Variants in FRAS1 observed in about 807,000 individuals in gnomAD.
FRAS1 encodes the protein extracellular matrix organizing protein FRAS1.
In FRAS1, 290 loss-of-function variants were observed where a neutral mutation model predicts 435.2. The ratio of observed to expected loss-of-function variants is 0.67; its 90% confidence interval spans 0.61 to 0.73. The LOEUF is 0.73. FRAS1 is among the 30% of genes least tolerant of loss of function. The pLI is 0.00. For missense variants in FRAS1, 4,860 were observed against 5,001.5 expected (o/e 0.97, Z 0.85); for synonymous variants, 1,800 against 1,851.0 (o/e 0.97, Z 0.71).
intron 18 of FRAS1, among the ~76,000 whole-genome samples, chr4:78,326,375 C>G (rs72866333): frequency 0.069 from 10,427 of 152,096 alleles, 585 homozygotes; most frequent in East Asian, 0.27. Flanking sequence ...AAGGTTTCAG[C>G]ATGAGTAACT....
At chr4:78,411,959 T>A (rs1410152365) in intron 31 of FRAS1, among the ~76,000 whole-genome samples, 1 of 152,154 alleles carries the variant, frequency 6.6e-6, no homozygotes, top group Non-Finnish European at 1.5e-5. Flanking sequence ...AAAAAGGGGA[T>A]AATAATATCT....
chr4:78,510,170 C>T (rs1720987222), intron 63 of FRAS1, among the ~76,000 whole-genome samples: 2 of 152,158 alleles, frequency 1.3e-5, no homozygotes, highest in South Asian at 4.1e-4. Flanking sequence ...GTATCTATTT[C>T]TGTCTTCAAC....
intron 14 of FRAS1, among the ~76,000 whole-genome samples, chr4:78,297,002 T>C (rs943462864): frequency 6.6e-6 from 1 of 152,186 alleles, no homozygotes; most frequent in Non-Finnish European, 1.5e-5. Context: ...GAAAAAATTT[T>C]TCATTCAACA....
Position 78,216,636 on chromosome 4 carries a change from G to A in FRAS1, c.109-20874G>A, listed in dbSNP as rs117987706. On this transcript the variant is annotated intron_variant, in intron 2 of 73. Transcript: ENST00000512123. ...GGCCCTGGCAGTTCAGCAGTAAACC[G>A]TTCTTACTTTTAGGGCCTTATCTTC... is the stretch of plus-strand genomic sequence containing the variant. Among the ~76,000 whole-genome samples the A allele has an allele frequency of 1.8e-4, 27 of 152,264 alleles. No individual in the cohort carries two copies. In the East Asian group the frequency reaches 4.8e-3, roughly 27 times the overall value.
chr4:78,080,631 A>G (rs570204017), intron 2 of FRAS1, among the ~76,000 whole-genome samples: 1 of 152,126 alleles, frequency 6.6e-6, no homozygotes, highest in Non-Finnish European at 1.5e-5. Context: ...TGCTTTTGTC[A>G]TAATTACATA....
At chr4:78,343,084 A>T (rs1320011376) in intron 20 of FRAS1, among the ~76,000 whole-genome samples, 1 of 152,208 alleles carries the variant, frequency 6.6e-6, no homozygotes, top group Non-Finnish European at 1.5e-5. Flanking sequence ...AAACAAAAAC[A>T]AAAAAACCTC....
intron 62 of FRAS1, among the ~76,000 whole-genome samples, 154 bp downstream of exon 62, chr4:78,507,762 T>A (rs547346036): frequency 6.6e-6 from 1 of 152,316 alleles, no homozygotes; most frequent in East Asian, 1.9e-4. Flanking sequence ...AGAGGACATT[T>A]AAGCAATGTC....
chr4:78,084,936 T>C (rs1741074895), intron 2 of FRAS1, among the ~76,000 whole-genome samples: 1 of 152,130 alleles, frequency 6.6e-6, no homozygotes, highest in Non-Finnish European at 1.5e-5. Context: ...TTTTTATTTA[T>C]AGTGCCTTTT....
intron 2 of FRAS1, among the ~76,000 whole-genome samples, chr4:78,211,189 A>G (rs1723487202): frequency 6.6e-6 from 1 of 152,210 alleles, no homozygotes. Flanking sequence ...CAGGGAAAGG[A>G]CATGAAGGAA....
intron 73 of FRAS1, 115 bp downstream of exon 73, chr4:78,539,555 C>G (rs533960668): frequency 9.8e-7 from 1 of 1,021,652 alleles, no homozygotes; most frequent in African/African-American, 1.7e-5. Flanking sequence ...TTCTGCCATT[C>G]TTGCTGGCAG....
chr4:78,084,473 C>A (rs1333340717), intron 2 of FRAS1, among the ~76,000 whole-genome samples: 1 of 152,058 alleles, frequency 6.6e-6, no homozygotes, highest in African/African-American at 2.4e-5. Context: ...AATATATCCC[C>A]TATGGGTAAG....
intron 19 of FRAS1, among the ~76,000 whole-genome samples, chr4:78,333,707 T>C (rs1373261538): frequency 6.6e-6 from 1 of 152,196 alleles, no homozygotes; most frequent in Non-Finnish European, 1.5e-5. Flanking sequence ...TCTGAATAAA[T>C]AAATCCTGTC....
At chr4:78,088,653 A>C (rs1224778978) in intron 2 of FRAS1, among the ~76,000 whole-genome samples, 1 of 152,222 alleles carries the variant, frequency 6.6e-6, no homozygotes, top group Non-Finnish European at 1.5e-5. Flanking sequence ...GAAGACATTT[A>C]TGCAGCCAAA....
At chr4:78,191,105 C>T (rs1722512938) in intron 2 of FRAS1, among the ~76,000 whole-genome samples, 1 of 152,220 alleles carries the variant, frequency 6.6e-6, no homozygotes, top group Admixed American at 6.5e-5. Flanking sequence ...TGGCAGCTTG[C>T]TCTTGGACTT....
chr4:78,240,265 A>T (rs981917814), intron 3 of FRAS1, among the ~76,000 whole-genome samples: 3 of 152,208 alleles, frequency 2.0e-5, no homozygotes, highest in Admixed American at 2.0e-4. Context: ...AAGATAATGC[A>T]TAATATTAGA....
At chr4:78,284,573 G>A in intron 13 of FRAS1, 25 bp downstream of exon 13, 1 of 1,593,440 alleles carries the variant, frequency 6.3e-7, no homozygotes, top group Non-Finnish European at 8.5e-7. Flanking sequence ...GGACAACCCA[G>A]AGGTGGTGGT....
chr4:78,102,611 T>G (rs1054814922), intron 2 of FRAS1, among the ~76,000 whole-genome samples: 10 of 152,150 alleles, frequency 6.6e-5, no homozygotes, highest in African/African-American at 2.4e-4. Flanking sequence ...TAATAGGAAC[T>G]GAAAATTGAA....
chr4:78,331,061 T>C (rs1003729989), intron 18 of FRAS1, among the ~76,000 whole-genome samples: 1 of 152,188 alleles, frequency 6.6e-6, no homozygotes, highest in African/African-American at 2.4e-5. Context: ...TTTCTCAAGC[T>C]GGCCGATGCT....
intron 2 of FRAS1, among the ~76,000 whole-genome samples, chr4:78,124,495 G>C (rs1203811288): frequency 6.6e-6 from 1 of 152,186 alleles, no homozygotes; most frequent in African/African-American, 2.4e-5. Flanking sequence ...CATAAAATGA[G>C]TTAGGGAGGA....
Sources: allele counts gnomAD v4.1 joint callset (sites outside exome capture counted in the v4.1 genomes callset), GRCh38; gene constraint gnomAD v4.1.1; transcripts MANE v1.5; gene names NCBI Gene and HGNC (gene_info 2026-07-23, HGNC 2026-07-21).